RYR2: variants seen among roughly 807,000 people sequenced by gnomAD.
RYR2 encodes the protein cardiac muscle ryanodine receptor-calcium release channel.
In RYR2, 227 loss-of-function variants were observed where a neutral mutation model predicts 601.1. That is an observed-to-expected ratio of 0.38 (90% CI 0.34 to 0.42). The LOEUF is 0.42. RYR2 is among the 10% of genes least tolerant of loss of function. The pLI, the probability that RYR2 is intolerant of heterozygous loss-of-function variation, is 1.00. For synonymous variants in RYR2, 2,223 were observed against 2,175.1 expected, an observed-to-expected ratio of 1.02 and a Z score of -0.61; for missense variants, 4,646 against 6,156.5, an observed-to-expected ratio of 0.75 and a Z score of 8.21.
At chr1:237,546,976 CATATATATAT>C (rs558814390) in intron 25 of RYR2, among the ~76,000 whole-genome samples, 22 of 97,492 alleles carry the variant, frequency 2.3e-4, no homozygotes, top group African/African-American at 6.4e-4. Flanking sequence ...TTTTCAAAAG[CATATATATAT>C]ATATATATAT....
At chr1:237,273,027 T>C (rs535983076) in intron 2 of RYR2, among the ~76,000 whole-genome samples, 49 of 152,174 alleles carry the variant, frequency 3.2e-4, no homozygotes, top group South Asian at 6.2e-4. Flanking sequence ...TGGAGGGTGT[T>C]TTGGGGATGA....
rs557554406 is a variant in RYR2, at chr1:237,324,786, T to A, written c.169-6092T>A. Among the ~76,000 whole-genome samples, 3 of 152,328 alleles carry A rather than the reference T, an allele frequency of 2.0e-5. No homozygotes were observed. In the South Asian group the frequency reaches 6.2e-4, roughly 32 times the overall value. On this transcript the variant is annotated intron_variant, in intron 2 of 104. Coordinates refer to ENST00000366574, the MANE Select transcript of RYR2 (RefSeq NM_001035.3). ...ATTTACTGCTGTCAAACTGTCAACATTAACTACATCATTCATTTGCAAAAT... is the reference window on the plus strand; with the variant it reads ...ATTTACTGCTGTCAAACTGTCAACAATAACTACATCATTCATTTGCAAAAT...
chr1:237,108,002 C>G (rs139849341), intron 1 of RYR2, among the ~76,000 whole-genome samples: 356 of 152,318 alleles, frequency 2.3e-3, no homozygotes, highest in Middle Eastern at 0.02. Context: ...CACGGTTTCT[C>G]TCATGTCCCC....
intron 14 of RYR2, among the ~76,000 whole-genome samples, chr1:237,448,772 C>T (rs1335046937): frequency 6.6e-6 from 1 of 152,050 alleles, no homozygotes; most frequent in Non-Finnish European, 1.5e-5. Context: ...ATGACATGTA[C>T]TTTGTATAAT....
intron 25 of RYR2, among the ~76,000 whole-genome samples, chr1:237,538,031 A>G (rs899165051): frequency 1.3e-5 from 2 of 152,122 alleles, no homozygotes; most frequent in African/African-American, 4.8e-5. Context: ...AACAGAAACC[A>G]GGTTTTAATC....
rs1008260821 is a variant in RYR2, at chr1:237,369,728, T to C, written c.384+120T>C. On this transcript the variant is annotated intron_variant, in intron 6 of 104. Coordinates refer to ENST00000366574, the MANE Select transcript of RYR2 (RefSeq NM_001035.3). ...TATTAATGAGCTTGGATGTTTGTGT[T>C]CTTTCATATCTTTGTACCCTTGTTA... is the stretch of plus-strand genomic sequence containing the variant. The C allele has an allele frequency of 3.9e-6, 3 of 760,144 alleles. No individual in the cohort carries two copies. In the African/African-American group the frequency reaches 5.3e-5, roughly 13 times the overall value. 47.1% of individuals were successfully genotyped at this position (760,144 alleles called of 1,614,324 possible).
At chr1:237,603,092 C>T (rs375899250) in intron 35 of RYR2, among the ~76,000 whole-genome samples, 16 of 152,162 alleles carry the variant, frequency 1.1e-4, no homozygotes, top group Non-Finnish European at 1.5e-4. Context: ...CAATGAAGGA[C>T]GGGTAAACGG....
chr1:237,522,987 A>G lies in RYR2; in HGVS notation c.2823-7440A>G, dbSNP rs553909237. ...GCTGTTTCTCTCACCACCCTTCAGC[A>G]GACTTAAAAAAAAAATGAGTTAAAC... On this transcript the variant is annotated intron_variant, in intron 24 of 104. Transcript: ENST00000366574. Among the ~76,000 whole-genome samples the G allele has an allele frequency of 5.8e-5, 4 of 68,724 alleles. No individual in the cohort carries two copies. In the East Asian group the frequency reaches 3.2e-3, roughly 56 times the overall value. The allele number at this position is 68,724 out of a possible 152,430, so 45.1% of individuals were successfully genotyped here.
At chr1:237,390,719 T>C (rs1448457579) in intron 10 of RYR2, among the ~76,000 whole-genome samples, 1 of 152,106 alleles carries the variant, frequency 6.6e-6, no homozygotes, top group Admixed American at 6.6e-5. Flanking sequence ...TTCAAAGATA[T>C]TTTAATCATG....
At position 237,610,858 on chromosome 1, in the gene RYR2, G is replaced by A. The variant is rs794728737; in HGVS notation, c.4780G>A (p.Val1594Ile). The A allele has an allele frequency of 6.2e-6, 10 of 1,613,192 alleles. No homozygotes were observed. The highest frequency in any genetic ancestry group is 2.2e-5 in the East Asian group (1 of 44,822). ...CCTCCACGTGCAGTTCCTGTCACAC[G>A]TCCTGTGGAGCAGAATGCCCAACCA... ...PRLHVQFLSH[V>I]LWSRMPNQFL... Residue 1594 changes from valine (V) to isoleucine (I), a missense_variant, in exon 36 of 105, where the codon GTC becomes ATC. By Grantham distance (29) the Val-to-Ile change is conservative. Coordinates refer to ENST00000366574, the MANE Select transcript of RYR2 (RefSeq NM_001035.3). The surrounding 1 kb of genome is among the most constrained non-coding windows in gnomAD (Gnocchi z 4.9).
At chr1:237,431,922 G>A (rs1572294495) in intron 12 of RYR2, among the ~76,000 whole-genome samples, 1 of 152,084 alleles carries the variant, frequency 6.6e-6, no homozygotes, top group East Asian at 1.9e-4. Context: ...ATCAACAGAT[G>A]ATTTTAAAAT....
intron 1 of RYR2, among the ~76,000 whole-genome samples, chr1:237,202,809 G>A (rs191287252): frequency 4.6e-5 from 7 of 152,178 alleles, no homozygotes; most frequent in South Asian, 4.2e-4. Flanking sequence ...TTCCTCAGCC[G>A]TTTCCTCTGG....
intron 58 of RYR2, among the ~76,000 whole-genome samples, chr1:237,669,094 C>A (rs1161162482): frequency 6.8e-6 from 1 of 147,536 alleles, no homozygotes; most frequent in African/African-American, 2.4e-5. Context: ...GAGCATGCTG[C>A]CTTCAAGCAT....
intron 99 of RYR2, among the ~76,000 whole-genome samples, chr1:237,808,654 CAAAAA>C (rs35162950): frequency 8.6e-6 from 1 of 116,056 alleles, no homozygotes; most frequent in African/African-American, 3.0e-5. Context: ...AACTCTGTCT[CAAAAA>C]AAAAAAAAAC....
At chr1:237,447,840 TTTCCCCTCCCTCC>T (rs1328120336) in intron 14 of RYR2, among the ~76,000 whole-genome samples, 5 of 136,250 alleles carry the variant, frequency 3.7e-5, no homozygotes, top group African/African-American at 1.3e-4. Context: ...TCCCTCCCTC[TTTCCCCTCCCTCC>T]CTCCCTCTTT....
chr1:237,227,284 T>C (rs527470041), intron 1 of RYR2, among the ~76,000 whole-genome samples: 12 of 152,184 alleles, frequency 7.9e-5, no homozygotes, highest in Non-Finnish European at 1.8e-4. Flanking sequence ...GTTATGACTA[T>C]GCTAATTAGC....
At chr1:237,437,068 G>A (rs1707465046) in intron 12 of RYR2, among the ~76,000 whole-genome samples, 1 of 150,690 alleles carries the variant, frequency 6.6e-6, no homozygotes, top group Non-Finnish European at 1.5e-5. Context: ...TTTTTGAGAT[G>A]GACTCTGGCT....
At chr1:237,057,388 C>T (rs957059152) in intron 1 of RYR2, among the ~76,000 whole-genome samples, 22 of 151,964 alleles carry the variant, frequency 1.4e-4, no homozygotes, top group South Asian at 2.1e-4. Context: ...GGTTTCGCCA[C>T]GTTAGCCAGG....
Position 237,253,420 on chromosome 1 carries a change from A to G in RYR2, c.49-17077A>G, listed in dbSNP as rs558865685. ...TTTCTGCAATGCAGATACTTTGTGTATCTCACTTTATCTGAGCAACTTTTA... is the reference window on the plus strand; with the variant it reads ...TTTCTGCAATGCAGATACTTTGTGTGTCTCACTTTATCTGAGCAACTTTTA... On this transcript the variant is annotated intron_variant, in intron 1 of 104. Coordinates refer to ENST00000366574, the MANE Select transcript of RYR2 (RefSeq NM_001035.3). Among the ~76,000 whole-genome samples, 141 of 152,294 alleles carry G rather than the reference A, an allele frequency of 9.3e-4. 1 individual carries two copies. Among genetic ancestry groups the G allele is most frequent in the South Asian group, 2.7e-3 (13 of 4,830 alleles).
Sources: gnomAD v4.1 joint callset for allele counts (sites outside exome capture counted in the v4.1 genomes callset) on GRCh38, gnomAD v4.1.1 for gene constraint, Gnocchi (gnomAD v3.1) non-coding constraint, MANE v1.5 for transcripts, NCBI Gene and HGNC (gene_info 2026-07-23, HGNC 2026-07-21) for gene names.